ASXL2: variants seen among roughly 807,000 people sequenced by gnomAD.
ASXL2 encodes putative Polycomb group protein ASXL2.
ASXL2 carries 23 observed loss-of-function variants against 122.0 expected under a neutral mutation model. The ratio of observed to expected loss-of-function variants is 0.19; its 90% CI spans 0.14 to 0.27. The LOEUF is 0.27. ASXL2 is among the 10% of genes least tolerant of loss of function. ASXL2 has a pLI of 1.00. For missense variants in ASXL2, 1,518 were observed against 1,713.8 expected, an observed-to-expected ratio of 0.89 and a Z score of 2.02; for synonymous variants, 650 against 637.0, an observed-to-expected ratio of 1.02 and a Z score of -0.31.
chr2:25,848,310 A>G (rs185900265), intron 1 of ASXL2, among the ~76,000 whole-genome samples: 1 of 152,314 alleles, frequency 6.6e-6, no homozygotes, highest in Non-Finnish European at 1.5e-5. Flanking sequence ...TTTAAACATC[A>G]TAAGATGTTA....
At chr2:25,799,991 T>A (rs1234627233) in intron 4 of ASXL2, among the ~76,000 whole-genome samples, 83 of 94,356 alleles carry the variant, frequency 8.8e-4, no homozygotes, top group African/African-American at 9.1e-4. Flanking sequence ...AAAAAAAAAA[T>A]GCAAAAAAAA....
intron 9 of ASXL2, among the ~76,000 whole-genome samples, chr2:25,756,927 C>T (rs1417489597): frequency 1.3e-5 from 2 of 152,180 alleles, no homozygotes; most frequent in African/African-American, 4.8e-5. Context: ...GCAGTTTATC[C>T]AGTCTCTACT....
intron 1 of ASXL2, among the ~76,000 whole-genome samples, chr2:25,864,709 A>T: frequency 6.6e-6 from 1 of 152,138 alleles, no homozygotes; most frequent in Non-Finnish European, 1.5e-5. Flanking sequence ...TACCAGGTTA[A>T]GTTACAACAT....
chr2:25,815,345 C>G (rs547935842), intron 3 of ASXL2, among the ~76,000 whole-genome samples: 1 of 152,148 alleles, frequency 6.6e-6, no homozygotes, highest in African/African-American at 2.4e-5. Flanking sequence ...ATTTAAAATT[C>G]TTCTGACTAC....
chr2:25,777,185 C>T lies in ASXL2; in HGVS notation c.404-5645G>A, dbSNP rs372648207. Among the ~76,000 whole-genome samples, 37 of 152,260 alleles carry T rather than the reference C, an allele frequency of 2.4e-4. No homozygotes were observed. The East Asian group carries it at 5.0e-3, about 21-fold the overall frequency. On this transcript the variant is annotated intron_variant, in intron 5 of 12. Transcript: ENST00000435504. The stretch of plus-strand genomic sequence containing the variant: ...CCCACTGCAGCCTTGACCTCCGAGG[C>T]TCAAGCAATCTCCTACCTTCGCCTC...
chr2:25,767,654 G>A lies in ASXL2; in HGVS notation c.704C>T (p.Ser235Leu). The part of the protein sequence containing the change: ...PQNSNSSFSS[S>L]VKVENTLLGL... ...TAGTAAAGTATTTTCCACTTTAACT[G>A]AGGAAGAAAAGCTGGAGTTTGAGTT... The change falls in exon 8 of 13, where the codon TCA becomes TTA. Residue 235 changes from serine (S) to leucine (L), a missense_variant. Ser to Leu is a moderately radical substitution (Grantham distance 145). Coordinates refer to ENST00000435504, the MANE Select transcript of ASXL2 (RefSeq NM_018263.6). The A allele has an allele frequency of 1.2e-6, 2 of 1,613,934 alleles. No individual in the cohort carries two copies. The highest frequency in any genetic ancestry group is 1.7e-6 in the Non-Finnish European group (2 of 1,179,854).
intron 2 of ASXL2, among the ~76,000 whole-genome samples, chr2:25,839,055 T>C (rs1449685727): frequency 3.9e-5 from 6 of 152,164 alleles, no homozygotes; most frequent in South Asian, 2.1e-4. Flanking sequence ...ATGAATAATA[T>C]AGATTTTTAA....
chr2:25,808,670 C>A (rs1036796732), intron 3 of ASXL2, among the ~76,000 whole-genome samples: 2 of 152,154 alleles, frequency 1.3e-5, no homozygotes, highest in East Asian at 1.9e-4. Flanking sequence ...CTGTATCAAG[C>A]CTTTTTTGTT....
At chr2:25,826,741 T>A in intron 3 of ASXL2, among the ~76,000 whole-genome samples, 1 of 77,566 alleles carries the variant, frequency 1.3e-5, no homozygotes, top group African/African-American at 3.9e-5. Flanking sequence ...TTCAATAGGA[T>A]TAAATAATAG....
intron 3 of ASXL2, among the ~76,000 whole-genome samples, chr2:25,832,855 A>G (rs1370538489): frequency 6.6e-6 from 1 of 152,248 alleles, no homozygotes; most frequent in Non-Finnish European, 1.5e-5. Context: ...ACTCGGCAAT[A>G]AAAAAGAATG....
At chr2:25,804,285 C>T (rs1160472294) in intron 4 of ASXL2, among the ~76,000 whole-genome samples, 3 of 152,190 alleles carry the variant, frequency 2.0e-5, no homozygotes, top group East Asian at 1.9e-4. Flanking sequence ...CATTCATTCC[C>T]CTTCAGCTGA....
At chr2:25,779,733 T>C (rs1342428573) in intron 5 of ASXL2, among the ~76,000 whole-genome samples, 2 of 152,216 alleles carry the variant, frequency 1.3e-5, no homozygotes, top group Non-Finnish European at 2.9e-5. Flanking sequence ...CAAAACATAT[T>C]ACTTTCATAT....
intron 1 of ASXL2, among the ~76,000 whole-genome samples, chr2:25,853,472 C>T (rs2149196905): frequency 6.6e-6 from 1 of 152,280 alleles, no homozygotes; most frequent in East Asian, 1.9e-4. Flanking sequence ...CTACTAGCAA[C>T]TTCCTCATTC....
At chr2:25,751,514 G>A (rs531173366) in intron 11 of ASXL2, among the ~76,000 whole-genome samples, 34 of 152,076 alleles carry the variant, frequency 2.2e-4, no homozygotes, top group Middle Eastern at 6.8e-3. Context: ...TGCACCTGGA[G>A]TCCCAGCTAC....
At chr2:25,822,329 C>T (rs2089321937) in intron 3 of ASXL2, 2 of 166,922 alleles carry the variant, frequency 1.2e-5, no homozygotes, top group South Asian at 1.6e-4. Context: ...CCGCCGCTGC[C>T]GCCATCGCCT....
intron 3 of ASXL2, among the ~76,000 whole-genome samples, chr2:25,807,061 C>A (rs1476246740): frequency 4.6e-5 from 7 of 152,196 alleles, no homozygotes; most frequent in African/African-American, 1.7e-4. Context: ...AAATATCATA[C>A]TTCACATAAG....
chr2:25,753,900 T>C (rs1482241484), intron 10 of ASXL2, among the ~76,000 whole-genome samples: 3 of 152,172 alleles, frequency 2.0e-5, no homozygotes, highest in Non-Finnish European at 4.4e-5. Context: ...TGTGGTACCT[T>C]CCTCACGCTC....
At chr2:25,869,271 C>A (rs540360188) in intron 1 of ASXL2, among the ~76,000 whole-genome samples, 4 of 151,576 alleles carry the variant, frequency 2.6e-5, no homozygotes, top group Admixed American at 6.6e-5. Flanking sequence ...GTCAAGGCTG[C>A]AGTCAGCTGA....
intron 3 of ASXL2, among the ~76,000 whole-genome samples, chr2:25,831,947 T>A (rs2089458888): frequency 6.6e-6 from 1 of 152,238 alleles, no homozygotes; most frequent in Non-Finnish European, 1.5e-5. Flanking sequence ...GACATTTCAC[T>A]AGTGCTGAAT....
Sources: gnomAD v4.1 joint callset for allele counts (sites outside exome capture counted in the v4.1 genomes callset) on GRCh38, gnomAD v4.1.1 for gene constraint, MANE v1.5 for transcripts, NCBI Gene and HGNC (gene_info 2026-07-23, HGNC 2026-07-21) for gene names.